NTMT1: variants seen among roughly 807,000 people sequenced by gnomAD.
The protein encoded by NTMT1 is N-terminal RCC1 methyltransferase.
A neutral mutation model predicts 17.5 loss-of-function variants in NTMT1; 8 were observed. That is an observed-to-expected ratio of 0.46 (90% CI 0.27 to 0.82). The LOEUF (loss-of-function observed/expected upper bound fraction) is 0.82, where lower values mean the gene tolerates loss of function less well. Among genes scored for constraint, NTMT1 ranks in the 40% least tolerant of loss-of-function variants. NTMT1 has a pLI of 0.15. For synonymous variants in NTMT1, 128 were observed against 126.8 expected, an observed-to-expected ratio of 1.01 and a Z score of -0.06; for missense variants, 221 against 303.5, an observed-to-expected ratio of 0.73 and a Z score of 2.02.
chr9:129,616,377 G>A (rs572415743), intron 1 of NTMT1, among the ~76,000 whole-genome samples: 7 of 152,156 alleles, frequency 4.6e-5, no homozygotes, highest in Non-Finnish European at 7.4e-5. Flanking sequence ...CACCACGCCC[G>A]GCTAATTTTT....
At chr9:129,609,898 T>C (rs748710394) in intron 1 of NTMT1, among the ~76,000 whole-genome samples, 5 of 151,694 alleles carry the variant, frequency 3.3e-5, no homozygotes, top group Non-Finnish European at 7.4e-5. Context: ...GAGGTCGGCC[T>C]GTGTTCACCG....
intron 1 of NTMT1, among the ~76,000 whole-genome samples, chr9:129,626,930 A>G (rs1217460005): frequency 1.3e-5 from 2 of 152,228 alleles, no homozygotes; most frequent in Non-Finnish European, 2.9e-5. Flanking sequence ...AGTGATTGCC[A>G]CAACTGGTGT....
intron 1 of NTMT1, among the ~76,000 whole-genome samples, chr9:129,619,070 G>A (rs975711068): frequency 6.6e-6 from 1 of 152,056 alleles, no homozygotes; most frequent in Non-Finnish European, 1.5e-5. Flanking sequence ...GTAGATGAAT[G>A]GATCCACAGG....
At chr9:129,612,659 C>T (rs537082908) in intron 1 of NTMT1, among the ~76,000 whole-genome samples, 26 of 152,360 alleles carry the variant, frequency 1.7e-4, no homozygotes, top group Middle Eastern at 3.4e-3. Context: ...GGACAGATCA[C>T]CTGAGGTCAG....
intron 1 of NTMT1, chr9:129,619,504 C>A (rs1323089094): frequency 6.3e-7 from 1 of 1,583,702 alleles, no homozygotes; most frequent in Non-Finnish European, 8.7e-7. Context: ...CTACCCTTAT[C>A]CCGCCCATCA....
chr9:129,627,665 TGTTA>T (rs897981958), intron 1 of NTMT1, among the ~76,000 whole-genome samples: 3 of 152,228 alleles, frequency 2.0e-5, no homozygotes, highest in Non-Finnish European at 2.9e-5. Context: ...TCAGAGCCTT[TGTTA>T]GTTTTTAAAT....
At chr9:129,617,437 T>C (rs1830446352) in intron 1 of NTMT1, among the ~76,000 whole-genome samples, 1 of 152,236 alleles carries the variant, frequency 6.6e-6, no homozygotes, top group Non-Finnish European at 1.5e-5. Context: ...CGAGGGCCAC[T>C]GGAGCCTGTT....
Position 129,631,012 on chromosome 9 carries a change from G to T in NTMT1, c.-54-1638G>T, listed in dbSNP as rs564289012. Among the ~76,000 whole-genome samples, 4 of 152,276 alleles carry T rather than the reference G, an allele frequency of 2.6e-5. No individual in the cohort carries two copies. In the East Asian group the frequency reaches 5.8e-4, roughly 22 times the overall value. On this transcript the variant is annotated intron_variant, in intron 1 of 3. Coordinates refer to ENST00000372483, the MANE Select transcript of NTMT1 (RefSeq NM_014064.4). ...TCGAGGCCACCCTCATCCAGGCCCCGTCTGCCTTTCCGAGCTCACCTTCCA... is the reference window on the plus strand; with the variant it reads ...TCGAGGCCACCCTCATCCAGGCCCCTTCTGCCTTTCCGAGCTCACCTTCCA...
At chr9:129,628,009 G>T (rs2118928352) in intron 1 of NTMT1, among the ~76,000 whole-genome samples, 1 of 152,336 alleles carries the variant, frequency 6.6e-6, no homozygotes, top group South Asian at 2.1e-4. Flanking sequence ...AAGGATGTAG[G>T]ATCACATTTA....
chr9:129,609,631 C>T (rs1191183074), intron 1 of NTMT1, among the ~76,000 whole-genome samples: 1 of 144,484 alleles, frequency 6.9e-6, no homozygotes, highest in Non-Finnish European at 1.5e-5. Flanking sequence ...CTGGGGAGGC[C>T]CCCAATCTGG....
upstream of NTMT1, among the ~76,000 whole-genome samples, chr9:129,623,323 A>G (rs1478454778): frequency 1.4e-5 from 1 of 69,984 alleles, no homozygotes; most frequent in Non-Finnish European, 2.8e-5. Flanking sequence ...ACAGAGCAAG[A>G]TTCCATCTCA....
intron 1 of NTMT1, among the ~76,000 whole-genome samples, chr9:129,618,868 G>GTTTTTTTTTTTT (rs34259203): frequency 7.8e-6 from 1 of 128,302 alleles, no homozygotes; most frequent in African/African-American, 2.9e-5. Flanking sequence ...AATTTTTTGT[G>GTTTTTTTTTTTT]TTTTTTTTTT....
intron 2 of NTMT1, 143 bp from the exon 3 acceptor site, chr9:129,633,911 G>A (rs1564349393): frequency 5.7e-6 from 5 of 875,776 alleles, no homozygotes; most frequent in Non-Finnish European, 8.6e-6. Context: ...CAAGCTGGCA[G>A]CCAGCACAGA....
intron 1 of NTMT1, chr9:129,612,539 C>T: frequency 9.5e-7 from 1 of 1,053,606 alleles, no homozygotes. Context: ...GTGCTGAAGC[C>T]CTGTTGGGCA....
At chr9:129,623,212 A>G (rs1220692668), upstream of NTMT1, among the ~76,000 whole-genome samples, 1 of 151,612 alleles carries the variant, frequency 6.6e-6, no homozygotes, top group East Asian at 1.9e-4. Flanking sequence ...GGGTACCTGT[A>G]ATCCCAGCTA....
At chr9:129,615,499 C>G in intron 1 of NTMT1, 1 of 1,600,798 alleles carries the variant, frequency 6.2e-7, no homozygotes, top group Non-Finnish European at 8.5e-7. Flanking sequence ...CGTCTGCGCT[C>G]CCAGTAGCGG....
At chr9:129,627,640 G>A (rs1232720089) in intron 1 of NTMT1, among the ~76,000 whole-genome samples, 1 of 152,198 alleles carries the variant, frequency 6.6e-6, no homozygotes, top group Non-Finnish European at 1.5e-5. Flanking sequence ...TTCAGATCTG[G>A]TTCATCTGGC....
chr9:129,619,458 GAA>G, intron 1 of NTMT1: 2 of 1,197,638 alleles, frequency 1.7e-6, no homozygotes, highest in Non-Finnish European at 2.4e-6. Flanking sequence ...AAAGAGGAAA[GAA>G]AGAAGGAAAG....
At chr9:129,634,692 C>T (rs895343044) in intron 3 of NTMT1, 5 of 223,768 alleles carry the variant, frequency 2.2e-5, no homozygotes, top group South Asian at 7.7e-5. Context: ...CAGCACACCT[C>T]GAGCGCTGTG....
Sources: gnomAD v4.1 joint callset for allele counts (sites outside exome capture counted in the v4.1 genomes callset) on GRCh38, gnomAD v4.1.1 for gene constraint, MANE v1.5 for transcripts, NCBI Gene and HGNC (gene_info 2026-07-23, HGNC 2026-07-21) for gene names.